The following CTNND2 variants were observed in gnomAD, a reference collection of about 807,000 sequenced individuals.
CTNND2 encodes catenin delta-2.
In CTNND2, 22 loss-of-function variants were observed where a neutral mutation model predicts 144.4. The ratio of observed to expected loss-of-function variants is 0.15; its 90% CI spans 0.11 to 0.22. CTNND2 has a LOEUF of 0.22. Among genes scored for constraint, CTNND2 ranks in the 10% least tolerant of loss-of-function variants. The probability of loss-of-function intolerance (pLI) is 1.00; values close to 1 mark genes in which losing one functional copy is unlikely to be tolerated. For synonymous variants in CTNND2, 751 were observed against 695.6 expected, an observed-to-expected ratio of 1.08 and a Z score of -1.25; for missense variants, 1,353 against 1,618.8, an observed-to-expected ratio of 0.84 and a Z score of 2.82.
chr5:11,682,702 T>C (rs75927865), intron 2 of CTNND2, among the ~76,000 whole-genome samples: 3,841 of 152,298 alleles, frequency 0.025, 77 homozygotes, highest in Non-Finnish European at 0.039. Context: ...AGAAAATTAC[T>C]GAACACCAAA....
intron 2 of CTNND2, among the ~76,000 whole-genome samples, chr5:11,638,949 T>G (rs76041946): frequency 0.02 from 3,113 of 152,234 alleles, 91 homozygotes; most frequent in African/African-American, 0.07. Flanking sequence ...CTGTGACAAT[T>G]TAAAGAATTC....
chr5:10,988,732 C>T lies in CTNND2; in HGVS notation c.3212-490G>A, dbSNP rs1490826873. Reference sequence around the variant, plus strand: ...ACTTAAACACTGAGTCACCTAGAAACTGCCTTTAAAAAAGTCAGAGGAAAC... The same window carrying T: ...ACTTAAACACTGAGTCACCTAGAAATTGCCTTTAAAAAAGTCAGAGGAAAC... On this transcript the variant is annotated intron_variant, in intron 19 of 21. Coordinates refer to ENST00000304623, the MANE Select transcript of CTNND2 (RefSeq NM_001332.4). This position sits in a 1 kb window ranked among gnomAD's most constrained non-coding sequence, Gnocchi z 5.9. Among the ~76,000 whole-genome samples the T allele has an allele frequency of 6.6e-6, 1 of 152,144 alleles. No homozygotes were observed. Among genetic ancestry groups the T allele is most frequent in the Non-Finnish European group, 1.5e-5 (1 of 68,036 alleles).
intron 2 of CTNND2, among the ~76,000 whole-genome samples, chr5:11,730,268 A>G (rs1429840551): frequency 1.3e-5 from 2 of 152,194 alleles, no homozygotes; most frequent in Middle Eastern, 3.4e-3. Flanking sequence ...GTTTCTTCTA[A>G]TATGTTGATG....
At chr5:11,426,036 T>C (rs951009385) in intron 3 of CTNND2, among the ~76,000 whole-genome samples, 17 of 152,112 alleles carry the variant, frequency 1.1e-4, no homozygotes, top group Non-Finnish European at 1.3e-4. Context: ...ATCCTTTTTT[T>C]CCCCTGATGT....
intron 2 of CTNND2, among the ~76,000 whole-genome samples, chr5:11,692,209 C>T (rs1784941393): frequency 6.6e-6 from 1 of 152,162 alleles, no homozygotes; most frequent in Admixed American, 6.5e-5. Context: ...CTGGTTAATT[C>T]TGGGCACATA....
At chr5:11,058,406 G>T (rs1396867447) in intron 16 of CTNND2, among the ~76,000 whole-genome samples, 1 of 152,248 alleles carries the variant, frequency 6.6e-6, no homozygotes, top group Non-Finnish European at 1.5e-5. Context: ...CATGGCTTCA[G>T]AGGGTGCAAG....
rs1434264696 is a variant in CTNND2 at position 11,811,809 on chromosome 5, T to C, written c.38-79537A>G. Among the ~76,000 whole-genome samples the C allele has an allele frequency of 2.0e-5, 3 of 152,176 alleles. No homozygotes were observed. The East Asian group carries it at 5.8e-4, about 29-fold the overall frequency. On this transcript the variant is annotated intron_variant, in intron 1 of 21. Transcript: ENST00000304623. The stretch of plus-strand genomic sequence containing the variant: ...GGCAGCTCAGATTCTTTCTAGACAC[T>C]AGATCTACAGGTAAGCTGTTTGTTG...
rs551995133 is a variant in CTNND2, at chr5:11,249,879, A to C, written c.1629-13056T>G. 2.4e-3 allele frequency among the ~76,000 whole-genome samples: 370 copies of C among 152,098 alleles called. 1 individual carries two copies. Among genetic ancestry groups the C allele is most frequent in the African/African-American group, 8.5e-3 (353 of 41,512 alleles). On this transcript the variant is annotated intron_variant, in intron 9 of 21. Coordinates refer to ENST00000304623, the MANE Select transcript of CTNND2 (RefSeq NM_001332.4). ...AAAAAAAACCAAAACACACTCATCT[A>C]TGTGTATTGCTTCACTTTGTCCTTA...
chr5:11,742,589 T>A (rs1268023448), intron 1 of CTNND2, among the ~76,000 whole-genome samples: 1 of 152,206 alleles, frequency 6.6e-6, no homozygotes, highest in Non-Finnish European at 1.5e-5. Flanking sequence ...ACTTCCATCA[T>A]CAGGCATTAC....
rs115294361 is a variant in CTNND2, at chr5:10,981,161, G to T, written c.3417+612C>A. Among the ~76,000 whole-genome samples the T allele has an allele frequency of 6.1e-3, 922 of 152,290 alleles. 11 individuals are homozygous for T. The highest frequency in any genetic ancestry group is 0.021 in the African/African-American group (892 of 41,552). On this transcript the variant is annotated intron_variant, in intron 21 of 21. Coordinates refer to ENST00000304623, the MANE Select transcript of CTNND2 (RefSeq NM_001332.4). Reference sequence around the variant, plus strand: ...AACTGTGCTGCAGAAAATCTTGGACGGGTTAGGGTTAGGAGCCAGAGAAGA... The same window carrying T: ...AACTGTGCTGCAGAAAATCTTGGACTGGTTAGGGTTAGGAGCCAGAGAAGA...
intron 11 of CTNND2, among the ~76,000 whole-genome samples, chr5:11,188,467 G>A (rs940170398): frequency 3.3e-5 from 5 of 152,182 alleles, no homozygotes; most frequent in Admixed American, 2.0e-4. Flanking sequence ...AGGGAGTTGG[G>A]TGAGGGAGAG....
chr5:11,673,032 C>A (rs556514594), intron 2 of CTNND2, among the ~76,000 whole-genome samples: 9 of 152,200 alleles, frequency 5.9e-5, no homozygotes, highest in African/African-American at 1.9e-4. Context: ...AGCTGCAGAC[C>A]GGAGCTGATC....
At chr5:11,683,562 T>C (rs952142793) in intron 2 of CTNND2, among the ~76,000 whole-genome samples, 3 of 152,248 alleles carry the variant, frequency 2.0e-5, no homozygotes, top group African/African-American at 7.2e-5. Flanking sequence ...TTGAAGACCG[T>C]CTTTGCACTT....
intron 21 of CTNND2, among the ~76,000 whole-genome samples, chr5:10,981,315 C>A (rs999781512): frequency 1.3e-5 from 2 of 152,154 alleles, no homozygotes; most frequent in Admixed American, 6.5e-5. Flanking sequence ...TTTATGTGTT[C>A]TTTTACAAGT....
chr5:11,321,411 T>C (rs577494090), intron 9 of CTNND2, among the ~76,000 whole-genome samples: 18 of 152,214 alleles, frequency 1.2e-4, no homozygotes, highest in African/African-American at 4.1e-4. Context: ...CTGGACAAGG[T>C]TGGAAGGTTT....
At chr5:11,006,048 T>TA (rs572639403) in intron 18 of CTNND2, among the ~76,000 whole-genome samples, 112 of 152,058 alleles carry the variant, frequency 7.4e-4, no homozygotes, top group Non-Finnish European at 1.1e-3. Context: ...CAGGTTCTAT[T>TA]AAAAAAAACA....
intron 2 of CTNND2, among the ~76,000 whole-genome samples, chr5:11,653,328 C>G (rs761051320): frequency 6.6e-6 from 1 of 151,998 alleles, no homozygotes; most frequent in African/African-American, 2.4e-5. Flanking sequence ...AAATGCCATG[C>G]CCTAATGTCT....
In CTNND2 at chr5:11,098,614, C is replaced by G; in HGVS notation, c.2598G>C (p.Ala866=). The G allele has an allele frequency of 3.7e-6, 6 of 1,614,106 alleles. No individual in the cohort carries two copies. The highest frequency in any genetic ancestry group is 5.1e-6 in the Non-Finnish European group (6 of 1,179,988). ...ECSNPDTLEG[A]AGALQNLAAG... is the part of the protein sequence containing the mutation. ...CAGCCAAGTTCTGCAGGGCGCCTGC[C>G]GCCCCTTCCAGCGTGTCTGGATTTG... Residue 866 remains alanine, a synonymous_variant, in exon 15 of 22, where the codon GCG becomes GCC. Transcript: ENST00000304623.
chr5:11,377,018 G>A (rs576072806), intron 7 of CTNND2, among the ~76,000 whole-genome samples: 18 of 151,182 alleles, frequency 1.2e-4, no homozygotes, highest in African/African-American at 2.4e-4. Flanking sequence ...CTTGCTTGTC[G>A]GTGACACTCA....
Sources: allele counts gnomAD v4.1 joint callset (sites outside exome capture counted in the v4.1 genomes callset), GRCh38; gene constraint gnomAD v4.1.1; non-coding constraint Gnocchi (gnomAD v3.1); transcripts MANE v1.5; gene names NCBI Gene and HGNC (gene_info 2026-07-23, HGNC 2026-07-21).